PPP1R1C: variants seen among roughly 807,000 people sequenced by gnomAD.
PPP1R1C encodes the protein protein phosphatase 1 regulatory inhibitor subunit 1C, also known as protein phosphatase 1 regulatory subunit 1C.
PPP1R1C carries 15 observed loss-of-function variants against 17.4 expected under a neutral mutation model. The ratio of observed to expected loss-of-function variants is 0.86; its 90% CI spans 0.58 to 1.33. The LOEUF is 1.33. Among genes scored for constraint, PPP1R1C ranks in the 40% most tolerant of loss-of-function variants. The probability of loss-of-function intolerance (pLI) is 0.00; values close to 1 mark genes in which losing one functional copy is unlikely to be tolerated. For missense variants in PPP1R1C, 143 were observed against 130.0 expected, an observed-to-expected ratio of 1.10 and a Z score of -0.48; for synonymous variants, 35 against 43.1, an observed-to-expected ratio of 0.81 and a Z score of 0.73.
intron 4 of PPP1R1C, among the ~76,000 whole-genome samples, chr2:182,109,774 A>T (rs1317552615): frequency 6.6e-6 from 1 of 152,162 alleles, no homozygotes; most frequent in Non-Finnish European, 1.5e-5. Context: ...CTAAAGTAGC[A>T]TCAGTTCCCC....
intron 2 of PPP1R1C, among the ~76,000 whole-genome samples, chr2:182,000,826 G>A (rs1685740063): frequency 6.6e-6 from 1 of 152,098 alleles, no homozygotes; most frequent in South Asian, 2.1e-4. Context: ...TCTGTCACCT[G>A]ATAATGCCCT....
intron 2 of PPP1R1C, among the ~76,000 whole-genome samples, chr2:182,034,034 CT>C (rs929903861): frequency 1.3e-5 from 2 of 152,140 alleles, no homozygotes; most frequent in African/African-American, 4.8e-5. Context: ...TAATGTGTGT[CT>C]TCTAGAATTT....
At chr2:182,025,657 C>T (rs368310811) in intron 2 of PPP1R1C, among the ~76,000 whole-genome samples, 11 of 122,978 alleles carry the variant, frequency 8.9e-5, no homozygotes, top group East Asian at 4.7e-4. Flanking sequence ...TGAATAATGC[C>T]GCAATAAACA....
intron 1 of PPP1R1C, among the ~76,000 whole-genome samples, chr2:181,971,474 C>T (rs187867561): frequency 7.0e-4 from 106 of 152,238 alleles, no homozygotes; most frequent in Non-Finnish European, 1.2e-3. Context: ...GTCCCCTCTA[C>T]TCTCCTCAAA....
At chr2:182,038,945 A>G (rs1423642983) in intron 2 of PPP1R1C, among the ~76,000 whole-genome samples, 2 of 152,214 alleles carry the variant, frequency 1.3e-5, no homozygotes, top group Non-Finnish European at 2.9e-5. Context: ...GTTGTTTCAA[A>G]AGTCCTTAAT....
chr2:182,124,066 G>C (rs951323440), intron 5 of PPP1R1C, among the ~76,000 whole-genome samples: 2 of 152,060 alleles, frequency 1.3e-5, no homozygotes, highest in Non-Finnish European at 2.9e-5. Context: ...TCAGCTTTCT[G>C]CATATGGCTA....
intron 2 of PPP1R1C, among the ~76,000 whole-genome samples, chr2:182,024,297 A>G (rs1485352263): frequency 6.6e-6 from 1 of 152,180 alleles, no homozygotes; most frequent in East Asian, 1.9e-4. Context: ...TTTGGAAGAG[A>G]ATGTAAACAT....
chr2:182,063,379 C>CT (rs917589476), intron 3 of PPP1R1C, among the ~76,000 whole-genome samples: 2 of 152,040 alleles, frequency 1.3e-5, no homozygotes, highest in African/African-American at 4.8e-5. Flanking sequence ...TTGGAATATA[C>CT]TTTGTCATGG....
At chr2:182,098,887 A>G (rs1186141567) in intron 4 of PPP1R1C, among the ~76,000 whole-genome samples, 4 of 152,228 alleles carry the variant, frequency 2.6e-5, no homozygotes, top group Admixed American at 6.5e-5. Flanking sequence ...ATCTTTACCT[A>G]TCATAGTCTT....
intron 4 of PPP1R1C, among the ~76,000 whole-genome samples, chr2:182,065,781 T>C (rs1323765399): frequency 1.3e-5 from 2 of 152,150 alleles, no homozygotes; most frequent in Non-Finnish European, 2.9e-5. Context: ...CAGATCCTTG[T>C]TCTACATCTT....
At chr2:182,071,729 G>A (rs987787) in intron 4 of PPP1R1C, among the ~76,000 whole-genome samples, 83,366 of 151,946 alleles carry the variant, frequency 0.55, 23,391 homozygotes, top group Non-Finnish European at 0.61. Context: ...TCATCATTAT[G>A]GACACATGGA....
chr2:182,015,745 C>G (rs1307583680), intron 2 of PPP1R1C, among the ~76,000 whole-genome samples: 1 of 152,112 alleles, frequency 6.6e-6, no homozygotes, highest in Non-Finnish European at 1.5e-5. Context: ...TAGGGCTCTG[C>G]TTGGTGCCCT....
intron 4 of PPP1R1C, among the ~76,000 whole-genome samples, chr2:182,072,675 T>C (rs1426255136): frequency 6.6e-6 from 1 of 152,182 alleles, no homozygotes; most frequent in Non-Finnish European, 1.5e-5. Flanking sequence ...CTAACTAAAA[T>C]ACAGAGACCA....
intron 4 of PPP1R1C, among the ~76,000 whole-genome samples, chr2:182,085,577 A>G (rs1031891108): frequency 6.6e-6 from 1 of 152,142 alleles, no homozygotes; most frequent in Non-Finnish European, 1.5e-5. Flanking sequence ...TACTTTAGAC[A>G]AAATGGGAAA....
At chr2:182,076,422 C>T (rs554344501) in intron 4 of PPP1R1C, among the ~76,000 whole-genome samples, 1 of 151,324 alleles carries the variant, frequency 6.6e-6, no homozygotes, top group East Asian at 1.9e-4. Flanking sequence ...AAATCCTCTC[C>T]TACTGTCTGT....
chr2:182,073,406 A>G (rs1444372075), intron 4 of PPP1R1C, among the ~76,000 whole-genome samples: 6 of 152,238 alleles, frequency 3.9e-5, no homozygotes, highest in African/African-American at 1.4e-4. Context: ...TTTTAGCCAC[A>G]TTGAACAAAA....
intron 4 of PPP1R1C, among the ~76,000 whole-genome samples, chr2:182,086,807 ACTGT>A (rs890385286): frequency 2.0e-5 from 3 of 152,150 alleles, no homozygotes; most frequent in African/African-American, 7.2e-5. Context: ...TAACACAGTA[ACTGT>A]CTGTGTAAGA....
intron 4 of PPP1R1C, among the ~76,000 whole-genome samples, chr2:182,081,493 T>A (rs1293614334): frequency 6.6e-6 from 1 of 152,170 alleles, no homozygotes; most frequent in African/African-American, 2.4e-5. Context: ...AATCCTTATA[T>A]TTCTTTTGCT....
chr2:182,025,084 A>G (rs1032917149), intron 2 of PPP1R1C, among the ~76,000 whole-genome samples: 7 of 150,988 alleles, frequency 4.6e-5, no homozygotes, highest in African/African-American at 1.7e-4. Flanking sequence ...TGTGCAAAAA[A>G]TAAAACAGGT....
Sources: gnomAD v4.1 joint callset for allele counts (sites outside exome capture counted in the v4.1 genomes callset) on GRCh38, gnomAD v4.1.1 for gene constraint, MANE v1.5 for transcripts, NCBI Gene and HGNC (gene_info 2026-07-23, HGNC 2026-07-21) for gene names.